Variants in IL1RAPL1 observed in about 807,000 individuals in gnomAD.
IL1RAPL1 encodes the protein interleukin-1 receptor accessory protein-like 1.
In IL1RAPL1, 3 loss-of-function variants were observed where a neutral mutation model predicts 48.4. The ratio of observed to expected loss-of-function variants is 0.06; its 90% CI spans 0.03 to 0.16. IL1RAPL1 has a LOEUF of 0.16. Ranked by LOEUF, IL1RAPL1 falls within the 10% of genes least tolerant of loss-of-function variation. The pLI is 1.00. For synonymous variants in IL1RAPL1, 185 were observed against 187.7 expected (o/e 0.99, Z 0.12); for missense variants, 349 against 530.6 (o/e 0.66, Z 3.36).
intron 1 of IL1RAPL1, among the ~76,000 whole-genome samples, chrX:28,642,497 A>G (rs1934558260): frequency 8.9e-6 from 1 of 112,218 alleles, no homozygotes; most frequent in Non-Finnish European, 1.9e-5. Flanking sequence ...ACTCAGGATT[A>G]AGAAACTCAC....
intron 2 of IL1RAPL1, among the ~76,000 whole-genome samples, chrX:29,255,719 T>C (rs914570539): frequency 1.7e-4 from 19 of 111,393 alleles, no homozygotes; most frequent in African/African-American, 6.2e-4. Context: ...TAATTGGTTT[T>C]CTATTCCTGC....
At chrX:28,790,526 G>A (rs1288982815) in intron 2 of IL1RAPL1, among the ~76,000 whole-genome samples, 1 of 112,492 alleles carries the variant, frequency 8.9e-6, no homozygotes, top group Non-Finnish European at 1.9e-5. Flanking sequence ...AACTGGGGAG[G>A]GCATTGTGCA....
At chrX:29,110,810 T>G in intron 2 of IL1RAPL1, among the ~76,000 whole-genome samples, 1 of 111,616 alleles carries the variant, frequency 9.0e-6, no homozygotes, top group East Asian at 2.8e-4. Flanking sequence ...TTATACCTTC[T>G]TCTGTTATCT....
In IL1RAPL1 at chrX:29,668,511, A is replaced by T. The variant is rs1926059084; in HGVS notation, c.778+7A>T. On this transcript the variant is annotated splice_region_variant and intron_variant, in intron 6 of 10. Transcript: ENST00000378993. The stretch of plus-strand genomic sequence containing the variant: ...ATTCAGGAGACCCAGCTGGGTGAGT[A>T]ATTCCTTAATTCTAGTTAATATGCT... 9.7e-6 allele frequency: 11 copies of T among 1,130,613 alleles called. No homozygotes were observed. Among genetic ancestry groups the T allele is most frequent in the Non-Finnish European group, 1.2e-5 (10 of 822,813 alleles). 93.2% of individuals were successfully genotyped at this position (1,130,613 alleles called of 1,213,427 possible).
chrX:29,921,403 A>C (rs987158208), intron 8 of IL1RAPL1, among the ~76,000 whole-genome samples: 9 of 111,853 alleles, frequency 8.0e-5, no homozygotes, highest in Non-Finnish European at 1.1e-4. Context: ...ATTCCCTTTG[A>C]ATAATATTAC....
intron 2 of IL1RAPL1, among the ~76,000 whole-genome samples, chrX:29,144,889 G>A (rs1363293252): frequency 1.9e-5 from 2 of 107,846 alleles, no homozygotes; most frequent in African/African-American, 6.8e-5. Flanking sequence ...ACCATGCCTG[G>A]CTTATTTTTT....
chrX:29,557,188 AG>A (rs1922032103), intron 5 of IL1RAPL1, among the ~76,000 whole-genome samples: 1 of 111,885 alleles, frequency 8.9e-6, no homozygotes, highest in Non-Finnish European at 1.9e-5. Flanking sequence ...ATATTTGGAA[AG>A]ACAATTCCTT....
At chrX:29,649,386 G>A (rs1329456352) in intron 5 of IL1RAPL1, among the ~76,000 whole-genome samples, 2 of 111,459 alleles carry the variant, frequency 1.8e-5, no homozygotes, top group African/African-American at 6.5e-5. Context: ...AACACATAAA[G>A]ATATTATTTA....
At chrX:29,745,040 G>A (rs774925005) in intron 6 of IL1RAPL1, among the ~76,000 whole-genome samples, 1 of 111,897 alleles carries the variant, frequency 8.9e-6, no homozygotes, top group Admixed American at 9.5e-5. Context: ...CGAGAGCATC[G>A]TGACTCTACC....
intron 2 of IL1RAPL1, among the ~76,000 whole-genome samples, chrX:28,948,691 C>A (rs996099136): frequency 9.0e-6 from 1 of 111,397 alleles, no homozygotes; most frequent in African/African-American, 3.3e-5. Context: ...GCATTCAACA[C>A]ATGTCTAAAT....
At chrX:29,350,621 C>CA (rs78405991) in intron 3 of IL1RAPL1, among the ~76,000 whole-genome samples, 2 of 103,628 alleles carry the variant, frequency 1.9e-5, no homozygotes, top group African/African-American at 7.1e-5. Flanking sequence ...TGCGTGCACA[C>CA]CACACACACA....
chrX:29,864,374 G>T (rs1005342893), intron 6 of IL1RAPL1, among the ~76,000 whole-genome samples: 1 of 112,120 alleles, frequency 8.9e-6, no homozygotes, highest in African/African-American at 3.2e-5. Flanking sequence ...CCTGAAGGGG[G>T]TGGCCCTTAC....
chrX:28,614,253 C>T (rs1028997392), intron 1 of IL1RAPL1, among the ~76,000 whole-genome samples: 4 of 110,950 alleles, frequency 3.6e-5, no homozygotes, highest in South Asian at 7.6e-4. Context: ...TTAATTTCCA[C>T]AAAACCAAAG....
At chrX:29,539,488 A>G (rs991468831) in intron 5 of IL1RAPL1, among the ~76,000 whole-genome samples, 4 of 111,076 alleles carry the variant, frequency 3.6e-5, no homozygotes, top group African/African-American at 9.8e-5. Flanking sequence ...CCTCTCACTG[A>G]TATGGTTTGG....
chrX:28,753,662 C>A (rs780874420), intron 1 of IL1RAPL1, among the ~76,000 whole-genome samples: 1 of 112,396 alleles, frequency 8.9e-6, no homozygotes, highest in Admixed American at 9.4e-5. Flanking sequence ...ATCTTAATAA[C>A]ATTTTTAAAA....
chrX:29,095,320 G>A (rs781280371), intron 2 of IL1RAPL1, among the ~76,000 whole-genome samples: 2 of 111,361 alleles, frequency 1.8e-5, no homozygotes, highest in South Asian at 7.6e-4. Context: ...TCATTTGATG[G>A]TAGTCTGCAA....
intron 2 of IL1RAPL1, among the ~76,000 whole-genome samples, chrX:28,960,719 G>T (rs1299158995): frequency 2.7e-5 from 3 of 111,363 alleles, no homozygotes; most frequent in Non-Finnish European, 5.7e-5. Context: ...AAGAAAATGT[G>T]GGTAAAGGGC....
intron 3 of IL1RAPL1, among the ~76,000 whole-genome samples, chrX:29,381,178 A>G (rs1260067118): frequency 9.1e-6 from 1 of 110,314 alleles, no homozygotes. Flanking sequence ...ACACACATGC[A>G]TACAAAAAAA....
chrX:29,264,320 C>A (rs140701106), intron 2 of IL1RAPL1, among the ~76,000 whole-genome samples: 2 of 111,511 alleles, frequency 1.8e-5, no homozygotes, highest in East Asian at 5.6e-4. Flanking sequence ...TGCTTCCCTG[C>A]AGTCTCTGGA....
Sources: allele counts gnomAD v4.1 joint callset (sites outside exome capture counted in the v4.1 genomes callset), GRCh38; gene constraint gnomAD v4.1.1; transcripts MANE v1.5; gene names NCBI Gene and HGNC (gene_info 2026-07-23, HGNC 2026-07-21).